Variants in CREG2 observed in about 807,000 individuals in gnomAD.
CREG2 encodes the protein protein CREG2.
Under a neutral mutation model 26.2 loss-of-function variants are expected in CREG2, and 24 were observed. The ratio of observed to expected loss-of-function variants is 0.92; its 90% CI spans 0.66 to 1.29. The LOEUF is 1.29. CREG2 is among the 50% of genes most tolerant of loss of function. The pLI is 0.00. For synonymous variants in CREG2, 174 were observed against 169.2 expected (o/e 1.03, Z -0.22); for missense variants, 366 against 398.6 (o/e 0.92, Z 0.70).
intron 2 of CREG2, chr2:101,375,983 C>A (rs746427694): frequency 3.1e-5 from 6 of 190,910 alleles, no homozygotes; most frequent in Non-Finnish European, 6.8e-5. Flanking sequence ...CAGCTTTCAG[C>A]TTTGCTGGGC....
intron 2 of CREG2, among the ~76,000 whole-genome samples, chr2:101,380,004 T>TATCTATCC: frequency 6.7e-6 from 1 of 149,822 alleles, no homozygotes; most frequent in South Asian, 2.1e-4. Context: ...TCTATCTATC[T>TATCTATCC]ATCTATCTAT....
intron 2 of CREG2, among the ~76,000 whole-genome samples, chr2:101,374,691 C>T (rs1684762850): frequency 6.6e-6 from 1 of 152,198 alleles, no homozygotes; most frequent in South Asian, 2.1e-4. Context: ...TGATCCAGCT[C>T]ATCTAAAAAT....
intron 2 of CREG2, among the ~76,000 whole-genome samples, chr2:101,367,013 G>A (rs1268037976): frequency 3.3e-5 from 5 of 152,100 alleles, no homozygotes; most frequent in South Asian, 2.1e-4. Context: ...GGATTTTGGC[G>A]TCTTTTGGTG....
chr2:101,375,669 G>C (rs562896664), intron 2 of CREG2: 1 of 201,222 alleles, frequency 5.0e-6, no homozygotes, highest in Non-Finnish European at 1.1e-5. Flanking sequence ...ACCTGCTCAC[G>C]TCTAGGCATT....
At chr2:101,363,163 T>C (rs1346038875) in intron 2 of CREG2, among the ~76,000 whole-genome samples, 1 of 152,200 alleles carries the variant, frequency 6.6e-6, no homozygotes. Context: ...TATCTGTTCT[T>C]AGCGGGTGGG....
chr2:101,386,803 C>T (rs1485068056), intron 1 of CREG2, among the ~76,000 whole-genome samples: 1 of 152,156 alleles, frequency 6.6e-6, no homozygotes, highest in Non-Finnish European at 1.5e-5. Flanking sequence ...ACCTGGTTAT[C>T]CATGTCCCTC....
chr2:101,362,111 G>A (rs1219368862), intron 2 of CREG2, among the ~76,000 whole-genome samples: 3 of 152,128 alleles, frequency 2.0e-5, no homozygotes, highest in Non-Finnish European at 4.4e-5. Flanking sequence ...AGCAAATTTG[G>A]TCACGAAAGC....
chr2:101,362,413 A>C (rs1225136627), intron 2 of CREG2, among the ~76,000 whole-genome samples: 6 of 152,234 alleles, frequency 3.9e-5, no homozygotes, highest in Non-Finnish European at 8.8e-5. Flanking sequence ...CTTTAAGTCC[A>C]TATGAGCTTA....
At chr2:101,352,468 G>A (rs1031224363) in intron 3 of CREG2, among the ~76,000 whole-genome samples, 1 of 152,150 alleles carries the variant, frequency 6.6e-6, no homozygotes, top group Non-Finnish European at 1.5e-5. Flanking sequence ...GGCACTGGGT[G>A]GAAGCTGGAA....
intron 3 of CREG2, among the ~76,000 whole-genome samples, chr2:101,354,987 C>T (rs919812001): frequency 2.6e-5 from 4 of 152,092 alleles, no homozygotes; most frequent in South Asian, 4.2e-4. Flanking sequence ...GCTATTTTCA[C>T]GGCAAGGCAG....
chr2:101,359,308 G>T (rs562659954), intron 2 of CREG2, among the ~76,000 whole-genome samples: 3 of 152,196 alleles, frequency 2.0e-5, no homozygotes, highest in Non-Finnish European at 4.4e-5. Context: ...GCAGTGGCCT[G>T]CCAGCTCTTG....
intron 2 of CREG2, among the ~76,000 whole-genome samples, chr2:101,369,785 C>T (rs1448769316): frequency 2.0e-5 from 3 of 152,132 alleles, no homozygotes; most frequent in Non-Finnish European, 4.4e-5. Flanking sequence ...AGTATTTGTC[C>T]ACGCGAATGC....
intron 2 of CREG2, chr2:101,383,031 G>A (rs1190541844): frequency 3.1e-6 from 3 of 983,180 alleles, no homozygotes; most frequent in Non-Finnish European, 3.6e-6. Flanking sequence ...CTTTCAGAGA[G>A]CTTTTGAAAA....
Position 101,350,860 on chromosome 2 carries a change from T to G in CREG2, c.*63A>C. 8 of 1,547,228 alleles carry G rather than the reference T, an allele frequency of 5.2e-6. No individual in the cohort carries two copies. The highest frequency in any genetic ancestry group is 6.2e-6 in the Non-Finnish European group (7 of 1,126,026). ...AAAGAGACAGTGGTCAATAGCTGTC[T>G]GGCTGCATCACTGAAAAGGTTTTCA... On this transcript the variant is annotated 3_prime_UTR_variant, in exon 4 of 4. Coordinates refer to ENST00000324768, the MANE Select transcript of CREG2 (RefSeq NM_153836.4).
chr2:101,387,282 A>G lies in CREG2; in HGVS notation c.176T>C (p.Met59Thr). Residue 59 changes from methionine (M) to threonine (T), a missense_variant, in exon 1 of 4, where the codon ATG becomes ACG. Transcript: ENST00000324768. This position sits in a 1 kb window ranked among gnomAD's most constrained non-coding sequence, Gnocchi z 4.7. Reference sequence around the variant, plus strand: ...GCCCGAATCCTCTAGCAGCGCGGGCATAGCCTCCTCAGTGGAGGCGCTGTC... The same window carrying G: ...GCCCGAATCCTCTAGCAGCGCGGGCGTAGCCTCCTCAGTGGAGGCGCTGTC... ...ELDSASTEEAMPALLEDSGSI... is the reference protein window; with the variant it reads ...ELDSASTEEATPALLEDSGSI... The G allele has an allele frequency of 6.7e-7, 1 of 1,483,618 alleles. No individual in the cohort carries two copies. Among genetic ancestry groups the G allele is most frequent in the Non-Finnish European group, 9.0e-7 (1 of 1,109,622 alleles). The allele number at this position is 1,483,618 out of a possible 1,614,324, so 91.9% of individuals were successfully genotyped here.
At chr2:101,355,805 A>G (rs1684448872) in intron 2 of CREG2, among the ~76,000 whole-genome samples, 1 of 152,134 alleles carries the variant, frequency 6.6e-6, no homozygotes, top group African/African-American at 2.4e-5. Flanking sequence ...CTTTTTAGGC[A>G]GGAATGAACC....
chr2:101,360,316 T>C (rs1055799463), intron 2 of CREG2, among the ~76,000 whole-genome samples: 2 of 152,224 alleles, frequency 1.3e-5, no homozygotes, highest in African/African-American at 4.8e-5. Context: ...CAGATAGGTC[T>C]GTGGCTTGCG....
intron 2 of CREG2, among the ~76,000 whole-genome samples, chr2:101,356,520 CAG>C (rs773307474): frequency 3.6e-4 from 55 of 152,248 alleles, no homozygotes; most frequent in Non-Finnish European, 6.6e-4. Flanking sequence ...AATTTACTAA[CAG>C]GGTAGATCTC....
intron 2 of CREG2, among the ~76,000 whole-genome samples, chr2:101,367,885 G>A (rs149873362): frequency 1.2e-4 from 18 of 152,306 alleles, no homozygotes; most frequent in Admixed American, 2.6e-4. Flanking sequence ...AGCTGAAAAG[G>A]CAAGGAAACG....
Sources: allele counts gnomAD v4.1 joint callset (sites outside exome capture counted in the v4.1 genomes callset), GRCh38; gene constraint gnomAD v4.1.1; non-coding constraint Gnocchi (gnomAD v3.1); transcripts MANE v1.5; gene names NCBI Gene and HGNC (gene_info 2026-07-23, HGNC 2026-07-21).